Variants in CNTN1 observed in about 807,000 individuals in gnomAD.
CNTN1 encodes the protein contactin-1.
CNTN1 carries 38 observed loss-of-function variants against 126.4 expected under a neutral mutation model. That is an observed-to-expected ratio of 0.30 (90% CI 0.23 to 0.39). The LOEUF (loss-of-function observed/expected upper bound fraction) is 0.39, where lower values mean the gene tolerates loss of function less well. Ranked by LOEUF, CNTN1 falls within the 10% of genes least tolerant of loss-of-function variation. The pLI, the probability that CNTN1 is intolerant of heterozygous loss-of-function variation, is 1.00. For synonymous variants in CNTN1, 413 were observed against 422.6 expected, an observed-to-expected ratio of 0.98 and a Z score of 0.28; for missense variants, 1,009 against 1,248.4, an observed-to-expected ratio of 0.81 and a Z score of 2.89.
rs147535382 is a variant in CNTN1 at position 41,017,787 on chromosome 12, C to A, written c.2419+871C>A. On this transcript the variant is annotated intron_variant, in intron 19 of 23. Coordinates refer to ENST00000551295, the MANE Select transcript of CNTN1 (RefSeq NM_001843.4). ...CTGCTATACTTTTGTTATTTATATT[C>A]TTGTTAAAAATAATACCTTTCTGGC... Among the ~76,000 whole-genome samples, 1,052 of 151,948 alleles carry A rather than the reference C, an allele frequency of 6.9e-3. 8 individuals carry two copies. Among genetic ancestry groups the A allele is most frequent in the Middle Eastern group, 0.02 (6 of 294 alleles).
intron 1 of CNTN1, among the ~76,000 whole-genome samples, chr12:40,754,301 C>T (rs116618531): frequency 0.016 from 2,469 of 152,090 alleles, 26 homozygotes; most frequent in African/African-American, 0.027. Context: ...ATTTCAGCAC[C>T]GTTACAGGTA....
intron 1 of CNTN1, among the ~76,000 whole-genome samples, chr12:40,814,788 C>T (rs1165715435): frequency 2.6e-5 from 4 of 152,058 alleles, no homozygotes; most frequent in Admixed American, 2.6e-4. Context: ...TTACCTTGGG[C>T]ATATGGACAT....
chr12:40,851,452 A>G (rs1345016560), intron 1 of CNTN1, among the ~76,000 whole-genome samples: 1 of 152,236 alleles, frequency 6.6e-6, no homozygotes, highest in Non-Finnish European at 1.5e-5. Context: ...GCAGTCAAAA[A>G]GGAAGTCTTA....
chr12:40,919,179 A>C (rs1945350167), intron 4 of CNTN1, among the ~76,000 whole-genome samples: 1 of 152,192 alleles, frequency 6.6e-6, no homozygotes, highest in South Asian at 2.1e-4. Context: ...TATTAAGTAC[A>C]TTTAAAGATC....
intron 19 of CNTN1, among the ~76,000 whole-genome samples, chr12:41,018,691 AAT>A (rs928187584): frequency 1.1e-5 from 1 of 91,546 alleles, no homozygotes; most frequent in Non-Finnish European, 2.1e-5. Context: ...TGTGTATTTT[AAT>A]ATATGTGTGT....
At chr12:40,799,477 A>G (rs1940565018) in intron 1 of CNTN1, among the ~76,000 whole-genome samples, 1 of 151,972 alleles carries the variant, frequency 6.6e-6, no homozygotes, top group African/African-American at 2.4e-5. Flanking sequence ...AAAAATTAGC[A>G]AACACTTTAA....
chr12:40,855,655 T>G (rs959836653), intron 1 of CNTN1, among the ~76,000 whole-genome samples: 14 of 152,094 alleles, frequency 9.2e-5, no homozygotes, highest in Admixed American at 2.0e-4. Flanking sequence ...CTTGAATAAA[T>G]CTATATAACT....
chr12:40,785,134 G>T (rs1565731864), intron 1 of CNTN1, among the ~76,000 whole-genome samples: 1 of 152,124 alleles, frequency 6.6e-6, no homozygotes. Flanking sequence ...ATCAGACACA[G>T]AAAAAAACTA....
intron 1 of CNTN1, among the ~76,000 whole-genome samples, chr12:40,855,442 AT>A (rs748388466): frequency 9.2e-5 from 14 of 151,906 alleles, no homozygotes; most frequent in Non-Finnish European, 1.3e-4. Context: ...ATTTTGTGCC[AT>A]TTTTTTCTTT....
In CNTN1 at chr12:40,796,182, C is replaced by T. The variant is rs187252495; in HGVS notation, c.-77+103590C>T. 4.0e-4 allele frequency among the ~76,000 whole-genome samples: 61 copies of T among 152,030 alleles called. 1 individual carries two copies. The highest frequency in any genetic ancestry group is 1.5e-4 in the Non-Finnish European group (10 of 67,992). ...AAGGGTTTCTAAGCACAGGAGGCTT[C>T]ATGGGTTGTGGAAGGAGGCTACTGG... is the stretch of plus-strand genomic sequence containing the variant. On this transcript the variant is annotated intron_variant, in intron 1 of 23. Coordinates refer to ENST00000551295, the MANE Select transcript of CNTN1 (RefSeq NM_001843.4).
intron 1 of CNTN1, among the ~76,000 whole-genome samples, chr12:40,735,150 T>A (rs1937624919): frequency 6.6e-6 from 1 of 152,008 alleles, no homozygotes; most frequent in South Asian, 2.1e-4. Flanking sequence ...TACCAAAGAG[T>A]TCCACAGAAC....
At chr12:41,009,611 T>A (rs1175261565) in intron 17 of CNTN1, among the ~76,000 whole-genome samples, 3 of 152,200 alleles carry the variant, frequency 2.0e-5, no homozygotes, top group African/African-American at 7.2e-5. Flanking sequence ...CCTGAAGTAG[T>A]CTTCATTCCC....
At chr12:40,721,071 G>GT (rs201827851) in intron 1 of CNTN1, among the ~76,000 whole-genome samples, 3,105 of 151,922 alleles carry the variant, frequency 0.02, 80 homozygotes, top group African/African-American at 0.061. Context: ...AGTGAAATAT[G>GT]TTTTTTCTCA....
chr12:40,877,050 C>A (rs113118096), intron 1 of CNTN1, among the ~76,000 whole-genome samples: 3 of 152,122 alleles, frequency 2.0e-5, no homozygotes, highest in Non-Finnish European at 2.9e-5. Context: ...AACTGAATTT[C>A]GCCAAAATAA....
intron 15 of CNTN1, among the ~76,000 whole-genome samples, chr12:40,962,503 T>G (rs1947139348): frequency 6.6e-6 from 1 of 152,122 alleles, no homozygotes; most frequent in South Asian, 2.1e-4. Flanking sequence ...TTGGATCTGA[T>G]TTCATGGGGC....
intron 21 of CNTN1, 58 bp from the exon 22 acceptor site, chr12:41,027,799 T>C (rs1200841683): frequency 2.0e-6 from 2 of 979,360 alleles, no homozygotes; most frequent in African/African-American, 3.2e-5. Flanking sequence ...TGCAATAGAG[T>C]ATGCAGAATT....
chr12:40,834,865 C>A (rs1439441035), intron 1 of CNTN1, among the ~76,000 whole-genome samples: 1 of 151,990 alleles, frequency 6.6e-6, no homozygotes, highest in Non-Finnish European at 1.5e-5. Context: ...AAGATGCTTA[C>A]CACTAAATAA....
chr12:40,905,938 T>C (rs991901101), intron 1 of CNTN1, among the ~76,000 whole-genome samples: 1 of 152,224 alleles, frequency 6.6e-6, no homozygotes, highest in Non-Finnish European at 1.5e-5. Flanking sequence ...AATAAAAAGC[T>C]AAAAATCTTT....
At chr12:40,812,296 A>G (rs772068943) in intron 1 of CNTN1, among the ~76,000 whole-genome samples, 37 of 152,048 alleles carry the variant, frequency 2.4e-4, no homozygotes, top group Non-Finnish European at 4.7e-4. Context: ...TTGTGGCCCA[A>G]TGTTTGATCT....
Sources: allele counts gnomAD v4.1 joint callset (sites outside exome capture counted in the v4.1 genomes callset), GRCh38; gene constraint gnomAD v4.1.1; transcripts MANE v1.5; gene names NCBI Gene and HGNC (gene_info 2026-07-23, HGNC 2026-07-21).